DRC11: variants seen among roughly 807,000 people sequenced by gnomAD.
The protein encoded by DRC11 is IQ and AAA domain-containing protein 1.
chr2:236,343,888 C>T, the DRC11 span: 7 of 477,894 alleles, frequency 1.5e-5, no homozygotes, highest in Non-Finnish European at 1.6e-5. The surrounding 1 kb of genome is among the most constrained non-coding windows in gnomAD (Gnocchi z 6.6). Flanking sequence ...TCATCTCTAC[C>T]TGCGAAAAGT....
the DRC11 span, among the ~76,000 whole-genome samples, chr2:236,364,330 G>C: frequency 8.4e-6 from 1 of 119,460 alleles, no homozygotes; most frequent in African/African-American, 3.2e-5. Flanking sequence ...TTCTCTGCTT[G>C]TCGGCAGCAG....
At chr2:236,356,938 ATT>A in the DRC11 span, among the ~76,000 whole-genome samples, 1 of 140,236 alleles carries the variant, frequency 7.1e-6, no homozygotes, top group South Asian at 2.2e-4. Context: ...ATATTTATAT[ATT>A]ATATATTCAT....
chr2:236,459,577 A>G, the DRC11 span, among the ~76,000 whole-genome samples: 1,083 of 122,158 alleles, frequency 8.9e-3, 21 homozygotes, highest in Non-Finnish European at 0.015. Context: ...ATGTGTATAC[A>G]TACGTATATA....
the DRC11 span, chr2:236,399,457 C>T: frequency 1.6e-5 from 26 of 1,613,910 alleles, no homozygotes; most frequent in Non-Finnish European, 2.1e-5. This position sits in a 1 kb window ranked among gnomAD's most constrained non-coding sequence, Gnocchi z 7.0. Flanking sequence ...AAGAAAAAGA[C>T]TTGGTGACAT....
chr2:236,355,910 T>C, the DRC11 span, among the ~76,000 whole-genome samples: 2 of 152,120 alleles, frequency 1.3e-5, no homozygotes, highest in African/African-American at 4.8e-5. Flanking sequence ...GGACTAGCTG[T>C]CTACACCACC....
the DRC11 span, among the ~76,000 whole-genome samples, chr2:236,372,766 T>A: frequency 6.6e-6 from 1 of 152,224 alleles, no homozygotes; most frequent in East Asian, 1.9e-4. This position sits in a 1 kb window ranked among gnomAD's most constrained non-coding sequence, Gnocchi z 4.5. Context: ...TGTGTCACCA[T>A]GCCTAGCTAC....
chr2:236,437,512 G>A, the DRC11 span, among the ~76,000 whole-genome samples: 2 of 151,516 alleles, frequency 1.3e-5, no homozygotes, highest in Admixed American at 6.6e-5. Flanking sequence ...CTGAGGCATC[G>A]CCACACTGAC....
chr2:236,366,081 T>C, the DRC11 span, among the ~76,000 whole-genome samples: 3 of 152,212 alleles, frequency 2.0e-5, no homozygotes, highest in African/African-American at 7.2e-5. Flanking sequence ...TGGCAGGAGA[T>C]GAAACAGTGG....
chr2:236,413,806 C>CT, the DRC11 span, among the ~76,000 whole-genome samples: 1 of 152,200 alleles, frequency 6.6e-6, no homozygotes, highest in Non-Finnish European at 1.5e-5. This position sits in a 1 kb window ranked among gnomAD's most constrained non-coding sequence, Gnocchi z 4.0. Flanking sequence ...TCCAAATGGT[C>CT]TAACATGTGG....
At chr2:236,404,586 G>A in the DRC11 span, among the ~76,000 whole-genome samples, 277 of 152,322 alleles carry the variant, frequency 1.8e-3, 2 homozygotes, top group African/African-American at 6.0e-3. Context: ...AGCCACGGCC[G>A]GTAACCTCCT....
chr2:236,459,651 A>ACG, the DRC11 span, among the ~76,000 whole-genome samples: 4 of 133,486 alleles, frequency 3.0e-5, no homozygotes, highest in South Asian at 2.3e-4. Context: ...ATACGTATAT[A>ACG]TGTATATACA....
the DRC11 span, among the ~76,000 whole-genome samples, chr2:236,336,633 C>T: frequency 6.6e-6 from 1 of 152,258 alleles, no homozygotes; most frequent in East Asian, 1.9e-4. This position sits in a 1 kb window ranked among gnomAD's most constrained non-coding sequence, Gnocchi z 7.3. Flanking sequence ...GCCTCCTCAG[C>T]GTCACCCCAC....
chr2:236,420,164 TG>T, the DRC11 span, among the ~76,000 whole-genome samples: 94 of 152,248 alleles, frequency 6.2e-4, no homozygotes, highest in Non-Finnish European at 1.2e-3. The surrounding 1 kb of genome is among the most constrained non-coding windows in gnomAD (Gnocchi z 4.8). Context: ...ACCAGACGCA[TG>T]GGGGTTGCTG....
At chr2:236,485,430 T>G in the DRC11 span, among the ~76,000 whole-genome samples, 5 of 152,202 alleles carry the variant, frequency 3.3e-5, no homozygotes, top group Non-Finnish European at 1.5e-5. Flanking sequence ...TTCAACATTT[T>G]TACCTGGGCA....
chr2:236,377,848 C>G, the DRC11 span, among the ~76,000 whole-genome samples: 1 of 152,074 alleles, frequency 6.6e-6, no homozygotes, highest in African/African-American at 2.4e-5. This position sits in a 1 kb window ranked among gnomAD's most constrained non-coding sequence, Gnocchi z 4.9. Flanking sequence ...ACATAGTATC[C>G]CACATAACGG....
the DRC11 span, among the ~76,000 whole-genome samples, chr2:236,435,457 T>C: frequency 1.2e-3 from 181 of 152,322 alleles, no homozygotes; most frequent in African/African-American, 4.1e-3. Flanking sequence ...CATTCTCACA[T>C]TGCTATAAAG....
the DRC11 span, among the ~76,000 whole-genome samples, chr2:236,403,253 G>A: frequency 7.2e-5 from 11 of 152,104 alleles, no homozygotes. Flanking sequence ...GCTGAAGGAG[G>A]TTCGGCAGCC....
At chr2:236,309,020 G>C in the DRC11 span, among the ~76,000 whole-genome samples, 1 of 152,150 alleles carries the variant, frequency 6.6e-6, no homozygotes, top group Admixed American at 6.6e-5. The surrounding 1 kb of genome is among the most constrained non-coding windows in gnomAD (Gnocchi z 5.7). Context: ...CTTCCTTTCC[G>C]GGCAGCACCT....
chr2:236,326,823 T>TGC, the DRC11 span, among the ~76,000 whole-genome samples: 128 of 151,586 alleles, frequency 8.4e-4, no homozygotes, highest in Non-Finnish European at 1.5e-3. Flanking sequence ...TGTGTGTGTG[T>TGC]GTGTGTGTGT....
Sources: gnomAD v4.1 joint callset for allele counts (sites outside exome capture counted in the v4.1 genomes callset) on GRCh38, gnomAD v4.1.1 for gene constraint, Gnocchi (gnomAD v3.1) non-coding constraint, MANE v1.5 for transcripts, NCBI Gene and HGNC (gene_info 2026-07-23, HGNC 2026-07-21) for gene names.